Variants in AUTS2 observed in about 807,000 individuals in gnomAD.
AUTS2 encodes the protein autism susceptibility gene 2 protein.
AUTS2 carries 17 observed loss-of-function variants against 112.4 expected under a neutral mutation model. The observed-to-expected ratio is 0.15, with a 90% CI of 0.10 to 0.23. The LOEUF is 0.23. Ranked by LOEUF, AUTS2 falls within the 10% of genes least tolerant of loss-of-function variation. The pLI is 1.00. For synonymous variants in AUTS2, 751 were observed against 702.7 expected, an observed-to-expected ratio of 1.07 and a Z score of -1.09; for missense variants, 1,510 against 1,701.6, an observed-to-expected ratio of 0.89 and a Z score of 1.98.
intron 1 of AUTS2, among the ~76,000 whole-genome samples, chr7:69,758,077 C>G (rs924295696): frequency 2.0e-5 from 3 of 152,178 alleles, no homozygotes; most frequent in African/African-American, 4.8e-5. Context: ...GATGTGTTTT[C>G]CCCCCAGGGA....
At chr7:70,227,435 T>C (rs1011372933) in intron 4 of AUTS2, among the ~76,000 whole-genome samples, 1 of 152,154 alleles carries the variant, frequency 6.6e-6, no homozygotes, top group Non-Finnish European at 1.5e-5. Flanking sequence ...TTAGTAAATT[T>C]GCAGAGATTT....
chr7:70,738,418 G>GTTTTTTTTTTT (rs10683693), intron 6 of AUTS2, among the ~76,000 whole-genome samples: 2 of 142,906 alleles, frequency 1.4e-5, no homozygotes, highest in African/African-American at 2.6e-5. Context: ...CAAGTTTTTT[G>GTTTTTTTTTTT]TTTTTTTTTT....
At position 70,790,065 on chromosome 7, in the gene AUTS2, A is replaced by G. The variant is rs1412887933; in HGVS notation, c.2849A>G (p.Glu950Gly). The G allele has an allele frequency of 1.3e-6, 2 of 1,577,464 alleles. No individual in the cohort carries two copies. Among genetic ancestry groups the G allele is most frequent in the African/African-American group, 1.3e-5 (1 of 74,198 alleles). ...PSPYVRTPVV[E>G]SARPNSTSSR... The stretch of plus-strand genomic sequence containing the variant: ...CCCTACGTGCGGACCCCGGTGGTGG[A>G]GAGTGCCAGGCCCAACAGCACCTCG... Residue 950 changes from glutamate to glycine, a missense_variant, in exon 19 of 19, where the codon GAG (glutamate) becomes GGG (glycine). Coordinates refer to ENST00000342771, the MANE Select transcript of AUTS2 (RefSeq NM_015570.4). This position sits in a 1 kb window ranked among gnomAD's most constrained non-coding sequence, Gnocchi z 7.6.
chr7:69,834,477 C>T (rs528830878), intron 1 of AUTS2, among the ~76,000 whole-genome samples: 4 of 152,270 alleles, frequency 2.6e-5, no homozygotes, highest in Non-Finnish European at 5.9e-5. Context: ...TCCCTCATTG[C>T]TAAACAGAAT....
intron 2 of AUTS2, among the ~76,000 whole-genome samples, chr7:69,936,903 C>T (rs372879829): frequency 5.9e-5 from 9 of 152,024 alleles, no homozygotes; most frequent in African/African-American, 1.9e-4. Flanking sequence ...CTTTTCTTTC[C>T]GTCGTTCCTC....
intron 6 of AUTS2, among the ~76,000 whole-genome samples, chr7:70,747,043 AG>A (rs1368861338): frequency 6.6e-6 from 1 of 152,060 alleles, no homozygotes; most frequent in African/African-American, 2.4e-5. Context: ...TGGGAGTGGA[AG>A]GGGGTGGGTG....
intron 4 of AUTS2, among the ~76,000 whole-genome samples, chr7:70,430,749 G>C (rs913763658): frequency 2.7e-5 from 4 of 150,366 alleles, no homozygotes; most frequent in Non-Finnish European, 4.4e-5. Context: ...ATGTGCAATT[G>C]AAACAATCTA....
intron 1 of AUTS2, among the ~76,000 whole-genome samples, chr7:69,620,943 G>A (rs1793626209): frequency 6.6e-6 from 1 of 152,142 alleles, no homozygotes; most frequent in Non-Finnish European, 1.5e-5. Flanking sequence ...AGATGTGAAG[G>A]TTGTACACAG....
rs984107584 is a variant in AUTS2 at position 70,461,456 on chromosome 7, G to A, written c.690+25675G>A. On this transcript the variant is annotated intron_variant, in intron 5 of 18. Transcript: ENST00000342771. ...CCAAAGGCTGATGATGGGCTCAGCA[G>A]TGGGATCCGAGTCCCTGCGTTCCCA... Among the ~76,000 whole-genome samples the A allele has an allele frequency of 2.0e-5, 3 of 152,146 alleles. No homozygotes were observed. In the South Asian group the frequency reaches 6.2e-4, roughly 31 times the overall value.
rs1407789656 is a variant in AUTS2 at position 70,784,952 on chromosome 7, C to G, written c.2157C>G (p.His719Gln). The G allele has an allele frequency of 6.2e-7, 1 of 1,614,114 alleles. No homozygotes were observed. Among genetic ancestry groups the G allele is most frequent in the Non-Finnish European group, 8.5e-7 (1 of 1,180,024 alleles). ...TGTTTGACTTAACAGGTGCTGCACA[C>G]CCAACTGGGACCCCTTTTGGGCCAC... ...STLFSAAGAA[H>Q]PTGTPFGPPP... Residue 719 changes from histidine (H) to glutamine (Q), a missense_variant, in exon 16 of 19, where the codon CAC becomes CAG. Coordinates refer to ENST00000342771, the MANE Select transcript of AUTS2 (RefSeq NM_015570.4).
chr7:70,343,149 T>C (rs891404352), intron 4 of AUTS2, among the ~76,000 whole-genome samples: 2 of 152,224 alleles, frequency 1.3e-5, no homozygotes, highest in Admixed American at 1.3e-4. Context: ...ACTTTAATCA[T>C]CTTAATTAAT....
chr7:70,555,488 T>G lies in AUTS2; in HGVS notation c.690+119707T>G, dbSNP rs141174561. Reference sequence around the variant, plus strand: ...TATTGAGAATTTTGACTTGGGAGCCTTTTTCCAGAGTTACCTCCTTGGACC... The same window carrying G: ...TATTGAGAATTTTGACTTGGGAGCCGTTTTCCAGAGTTACCTCCTTGGACC... On this transcript the variant is annotated intron_variant, in intron 5 of 18. Transcript: ENST00000342771. 1.8e-3 allele frequency among the ~76,000 whole-genome samples: 269 copies of G among 152,212 alleles called. 1 individual carries two copies. Among genetic ancestry groups the G allele is most frequent in the African/African-American group, 6.2e-3 (257 of 41,548 alleles).
intron 2 of AUTS2, among the ~76,000 whole-genome samples, chr7:70,006,844 C>T (rs1454325177): frequency 6.6e-6 from 1 of 152,052 alleles, no homozygotes; most frequent in African/African-American, 2.4e-5. Flanking sequence ...GTGGATGCTT[C>T]GATTTAGCTT....
At chr7:70,542,023 G>A (rs979477757) in intron 5 of AUTS2, among the ~76,000 whole-genome samples, 5 of 152,108 alleles carry the variant, frequency 3.3e-5, no homozygotes, top group South Asian at 4.2e-4. Context: ...ATCTGCCTTC[G>A]GGCACATCAA....
intron 1 of AUTS2, among the ~76,000 whole-genome samples, chr7:69,821,394 G>A (rs546257495): frequency 1.3e-5 from 2 of 152,030 alleles, no homozygotes; most frequent in South Asian, 2.1e-4. Flanking sequence ...TGCACCAATC[G>A]GCACTCTGTA....
At chr7:70,770,694 G>C (rs928639565) in intron 10 of AUTS2, among the ~76,000 whole-genome samples, 1 of 152,124 alleles carries the variant, frequency 6.6e-6, no homozygotes, top group Admixed American at 6.5e-5. Flanking sequence ...GGACTCCTAC[G>C]TGAAGGGCTT....
chr7:70,159,680 A>C (rs1330072779), intron 4 of AUTS2, among the ~76,000 whole-genome samples: 1 of 152,220 alleles, frequency 6.6e-6, no homozygotes, highest in Non-Finnish European at 1.5e-5. Context: ...TTCAAGGAAG[A>C]AGCAGATAAT....
chr7:70,427,868 T>A (rs1795497948), intron 4 of AUTS2, among the ~76,000 whole-genome samples: 1 of 152,146 alleles, frequency 6.6e-6, no homozygotes, highest in Admixed American at 6.5e-5. Flanking sequence ...AACTCCCCAT[T>A]CAGAAATGCT....
chr7:69,743,304 A>G (rs1787347099), intron 1 of AUTS2, among the ~76,000 whole-genome samples: 1 of 152,168 alleles, frequency 6.6e-6, no homozygotes, highest in Non-Finnish European at 1.5e-5. Context: ...TGTGCTTAGT[A>G]CTTTAGCGTT....
Sources: gnomAD v4.1 joint callset for allele counts (sites outside exome capture counted in the v4.1 genomes callset) on GRCh38, gnomAD v4.1.1 for gene constraint, Gnocchi (gnomAD v3.1) non-coding constraint, MANE v1.5 for transcripts, NCBI Gene and HGNC (gene_info 2026-07-23, HGNC 2026-07-21) for gene names.